CAMTA1: variants seen among roughly 807,000 people sequenced by gnomAD.
CAMTA1 encodes calmodulin binding transcription activator 1, also known as calmodulin-binding transcription activator 1.
A neutral mutation model predicts 170.9 loss-of-function variants in CAMTA1; 27 were observed. The observed-to-expected ratio is 0.16, with a 90% CI of 0.12 to 0.22. CAMTA1 has a LOEUF of 0.22. Ranked by LOEUF, CAMTA1 falls within the 10% of genes least tolerant of loss-of-function variation. The pLI is 1.00. For synonymous variants in CAMTA1, 833 were observed against 891.5 expected (o/e 0.93, Z 1.17); for missense variants, 1,619 against 2,217.2 (o/e 0.73, Z 5.42).
intron 3 of CAMTA1, among the ~76,000 whole-genome samples, chr1:7,037,427 C>T (rs1185216889): frequency 3.3e-5 from 5 of 152,174 alleles, no homozygotes; most frequent in South Asian, 4.1e-4. Flanking sequence ...CTGGAATCAA[C>T]GAGGCATTTG....
chr1:7,579,795 A>G (rs1289374150), intron 6 of CAMTA1, among the ~76,000 whole-genome samples: 1 of 152,030 alleles, frequency 6.6e-6, no homozygotes, highest in African/African-American at 2.4e-5. Flanking sequence ...CCTGACCTCA[A>G]GCAATCCACC....
At chr1:7,473,594 G>C (rs1337978348) in intron 6 of CAMTA1, among the ~76,000 whole-genome samples, 1 of 152,236 alleles carries the variant, frequency 6.6e-6, no homozygotes, top group Non-Finnish European at 1.5e-5. Flanking sequence ...CCCCCAGGGA[G>C]TCCTCCCTTC....
Position 7,717,131 on chromosome 1 carries a change from G to A in CAMTA1, c.2915-15317G>A, listed in dbSNP as rs943230042. ...ACCAGAGGCTGGGAATGGGGACGTC[G>A]GGGAGATGTTTGTCAGAGAATGTGT... On this transcript the variant is annotated intron_variant, in intron 11 of 22. Coordinates refer to ENST00000303635, the MANE Select transcript of CAMTA1 (RefSeq NM_015215.4). Among the ~76,000 whole-genome samples the A allele has an allele frequency of 2.6e-5, 4 of 152,208 alleles. No individual in the cohort carries two copies. The East Asian group carries it at 5.8e-4, about 22-fold the overall frequency.
rs1298943438 is a variant in CAMTA1, at chr1:7,144,971, G to A, written c.302+53600G>A. Among the ~76,000 whole-genome samples the A allele has an allele frequency of 6.6e-6, 1 of 152,254 alleles. No individual in the cohort carries two copies. Among genetic ancestry groups the A allele is most frequent in the Non-Finnish European group, 1.5e-5 (1 of 68,036 alleles). ...CGAGTAACCTCTCAAGCTCTGCAGC[G>A]GTTGGGAGGCTGAGCTGGCCTTGAC... On this transcript the variant is annotated intron_variant, in intron 4 of 22. Coordinates refer to ENST00000303635, the MANE Select transcript of CAMTA1 (RefSeq NM_015215.4). The surrounding 1 kb of genome is among the most constrained non-coding windows in gnomAD (Gnocchi z 4.0).
intron 3 of CAMTA1, chr1:6,871,911 C>T: frequency 7.3e-7 from 1 of 1,363,020 alleles, no homozygotes; most frequent in Non-Finnish European, 9.4e-7. Flanking sequence ...TTTCATCTTT[C>T]AAAGTGTAAC....
intron 6 of CAMTA1, among the ~76,000 whole-genome samples, chr1:7,529,384 G>A (rs1377347114): frequency 6.6e-6 from 1 of 152,102 alleles, no homozygotes; most frequent in Non-Finnish European, 1.5e-5. Flanking sequence ...TGGGAATCTG[G>A]CCCCAGTAAT....
chr1:7,707,092 G>A (rs1449248436), intron 11 of CAMTA1, among the ~76,000 whole-genome samples: 1 of 151,866 alleles, frequency 6.6e-6, no homozygotes, highest in African/African-American at 2.4e-5. Flanking sequence ...CACTATGTTG[G>A]CCAGGCTGGT....
intron 6 of CAMTA1, among the ~76,000 whole-genome samples, chr1:7,637,069 G>A (rs1448576784): frequency 1.3e-5 from 2 of 152,254 alleles, no homozygotes; most frequent in African/African-American, 2.4e-5. Context: ...GCTGAGGCCT[G>A]CAGGCAGAGC....
chr1:7,747,913 T>A (rs1207894168), intron 19 of CAMTA1, 132 bp downstream of exon 19: 18 of 569,308 alleles, frequency 3.2e-5, no homozygotes, highest in Non-Finnish European at 5.1e-5. Context: ...GTTGTTTTTT[T>A]TTTTTTATTT....
At chr1:7,088,846 G>A (rs148493877) in intron 3 of CAMTA1, among the ~76,000 whole-genome samples, 11 of 152,318 alleles carry the variant, frequency 7.2e-5, no homozygotes, top group African/African-American at 2.4e-4. Flanking sequence ...GCTGATGCAC[G>A]TGACAAGTGG....
intron 3 of CAMTA1, among the ~76,000 whole-genome samples, chr1:6,948,094 G>A (rs1005620171): frequency 6.6e-6 from 1 of 152,074 alleles, no homozygotes; most frequent in Non-Finnish European, 1.5e-5. Flanking sequence ...AAATCCTAAC[G>A]TCATGTCAGT....
intron 3 of CAMTA1, among the ~76,000 whole-genome samples, chr1:6,923,113 C>A (rs1682379826): frequency 6.6e-6 from 1 of 152,168 alleles, no homozygotes; most frequent in East Asian, 1.9e-4. Context: ...AGGAAGACAG[C>A]ATAAACTCTC....
At position 7,515,213 on chromosome 1, in the gene CAMTA1, G is replaced by A. The variant is rs111312209; in HGVS notation, c.510+47312G>A. 7.9e-3 allele frequency among the ~76,000 whole-genome samples: 1,202 copies of A among 152,200 alleles called. 5 individuals are homozygous for A. Among genetic ancestry groups the A allele is most frequent in the African/African-American group, 0.028 (1,144 of 41,498 alleles). The stretch of plus-strand genomic sequence containing the variant: ...GGTCCTCCCCGGCTGCCTCCACCTG[G>A]GATCATCCCAGGTGTCCCCTTGCTC... On this transcript the variant is annotated intron_variant, in intron 6 of 22. Coordinates refer to ENST00000303635, the MANE Select transcript of CAMTA1 (RefSeq NM_015215.4).
intron 11 of CAMTA1, among the ~76,000 whole-genome samples, chr1:7,678,823 G>A (rs529363648): frequency 1.6e-4 from 25 of 152,312 alleles, no homozygotes; most frequent in African/African-American, 5.5e-4. Flanking sequence ...CACGCACCCC[G>A]CACCCACAGC....
intron 6 of CAMTA1, among the ~76,000 whole-genome samples, chr1:7,470,742 G>A (rs1348105135): frequency 1.3e-5 from 2 of 152,216 alleles, no homozygotes. Context: ...AGCACCCACT[G>A]CCCCACCTTT....
chr1:7,117,585 C>G (rs1644407310), intron 4 of CAMTA1, among the ~76,000 whole-genome samples: 1 of 152,234 alleles, frequency 6.6e-6, no homozygotes, highest in Non-Finnish European at 1.5e-5. Context: ...GGCTCAAAAC[C>G]CTGAACGTTT....
At chr1:6,817,417 T>G (rs1452988341) in intron 1 of CAMTA1, among the ~76,000 whole-genome samples, 1 of 152,216 alleles carries the variant, frequency 6.6e-6, no homozygotes, top group Non-Finnish European at 1.5e-5. Context: ...TACTGGTGAC[T>G]CTTAAAGATG....
intron 5 of CAMTA1, among the ~76,000 whole-genome samples, chr1:7,295,431 G>A (rs532243964): frequency 6.6e-6 from 1 of 152,328 alleles, no homozygotes; most frequent in East Asian, 1.9e-4. Flanking sequence ...GGCTTGTTGT[G>A]TGTTTCCTTT....
In CAMTA1 at chr1:7,673,919, G is replaced by A. The variant is rs900242031; in HGVS notation, c.2779+2882G>A. Among the ~76,000 whole-genome samples, 2 of 152,172 alleles carry A rather than the reference G, an allele frequency of 1.3e-5. No individual in the cohort carries two copies. The highest frequency in any genetic ancestry group is 4.8e-5 in the African/African-American group (2 of 41,416). ...TTCTCACCGGGCCCCTGATCGTAAG[G>A]GGCTCTCGGTCCAGGGAGGAGTGCA... is the stretch of plus-strand genomic sequence containing the variant. On this transcript the variant is annotated intron_variant, in intron 10 of 22. Transcript: ENST00000303635. This position sits in a 1 kb window ranked among gnomAD's most constrained non-coding sequence, Gnocchi z 4.6.
Sources: allele counts gnomAD v4.1 joint callset (sites outside exome capture counted in the v4.1 genomes callset), GRCh38; gene constraint gnomAD v4.1.1; non-coding constraint Gnocchi (gnomAD v3.1); transcripts MANE v1.5; gene names NCBI Gene and HGNC (gene_info 2026-07-23, HGNC 2026-07-21).